Variants in GALNTL6 observed in about 807,000 individuals in gnomAD.
GALNTL6 encodes the protein polypeptide N-acetylgalactosaminyltransferase like 6.
Under a neutral mutation model 73.7 loss-of-function variants are expected in GALNTL6, and 46 were observed. The ratio of observed to expected loss-of-function variants is 0.62; its 90% CI spans 0.49 to 0.80. The LOEUF is 0.80. Ranked by LOEUF, GALNTL6 falls within the 30% of genes least tolerant of loss-of-function variation. The probability of loss-of-function intolerance (pLI) is 0.00; values close to 1 mark genes in which losing one functional copy is unlikely to be tolerated. For synonymous variants in GALNTL6, 259 were observed against 263.7 expected (o/e 0.98, Z 0.17); for missense variants, 604 against 755.0 (o/e 0.80, Z 2.34).
At chr4:172,913,450 A>G (rs1747324366) in intron 8 of GALNTL6, among the ~76,000 whole-genome samples, 1 of 152,188 alleles carries the variant, frequency 6.6e-6, no homozygotes, top group East Asian at 1.9e-4. Flanking sequence ...CTTCGAGCTA[A>G]AGGAGGATGT....
chr4:172,000,589 C>G (rs576944906), intron 2 of GALNTL6, among the ~76,000 whole-genome samples: 1 of 152,238 alleles, frequency 6.6e-6, no homozygotes, highest in East Asian at 1.9e-4. Context: ...CATAAGGGAC[C>G]AGTCTGCAGG....
intron 7 of GALNTL6, among the ~76,000 whole-genome samples, chr4:172,875,665 T>A (rs537090808): frequency 2.2e-4 from 33 of 151,888 alleles, no homozygotes; most frequent in African/African-American, 7.7e-4. Context: ...TATCACTTAT[T>A]GTAGGAATGA....
chr4:173,029,892 A>G (rs1455894380), intron 12 of GALNTL6, among the ~76,000 whole-genome samples: 1 of 152,238 alleles, frequency 6.6e-6, no homozygotes, highest in African/African-American at 2.4e-5. Flanking sequence ...GCATCCATTC[A>G]TGCCTTCATC....
chr4:172,928,965 C>A (rs1748192932), intron 8 of GALNTL6, among the ~76,000 whole-genome samples: 1 of 152,214 alleles, frequency 6.6e-6, no homozygotes. Context: ...TTTTTCCACA[C>A]TTCCTGCTGT....
At chr4:172,234,579 A>G (rs1295112108) in intron 3 of GALNTL6, among the ~76,000 whole-genome samples, 1 of 152,164 alleles carries the variant, frequency 6.6e-6, no homozygotes, top group Non-Finnish European at 1.5e-5. Flanking sequence ...ATTAACATAG[A>G]TAAATGTTCT....
At chr4:172,243,732 G>T (rs145188781) in intron 3 of GALNTL6, among the ~76,000 whole-genome samples, 1 of 152,084 alleles carries the variant, frequency 6.6e-6, no homozygotes, top group Non-Finnish European at 1.5e-5. Flanking sequence ...AATGATTAAC[G>T]GTAGGCTTTC....
At position 171,957,999 on chromosome 4, in the gene GALNTL6, T is replaced by C. The variant is rs577141478; in HGVS notation, c.138+143281T>C. Reference sequence around the variant, plus strand: ...AATGAACCTGCATGTAAAACGTTTATGTTTTATGATCAGAAAAGCACCTTT... The same window carrying C: ...AATGAACCTGCATGTAAAACGTTTACGTTTTATGATCAGAAAAGCACCTTT... On this transcript the variant is annotated intron_variant, in intron 2 of 12. Transcript: ENST00000506823. Among the ~76,000 whole-genome samples the C allele has an allele frequency of 2.4e-3, 373 of 152,342 alleles. 1 individual carries two copies. Among genetic ancestry groups the C allele is most frequent in the Middle Eastern group, 0.01 (3 of 294 alleles).
intron 5 of GALNTL6, among the ~76,000 whole-genome samples, chr4:172,612,029 T>C (rs1738544334): frequency 6.6e-6 from 1 of 152,122 alleles, no homozygotes; most frequent in Non-Finnish European, 1.5e-5. Flanking sequence ...TCTCGTCATC[T>C]ATTTTTTGAA....
At chr4:172,570,904 A>G (rs371769278) in intron 5 of GALNTL6, among the ~76,000 whole-genome samples, 1 of 152,018 alleles carries the variant, frequency 6.6e-6, no homozygotes, top group South Asian at 2.1e-4. Context: ...TCATAAGAAG[A>G]GCGCAATCTA....
At chr4:172,385,885 A>G (rs564151021) in intron 5 of GALNTL6, among the ~76,000 whole-genome samples, 2 of 151,830 alleles carry the variant, frequency 1.3e-5, no homozygotes, top group Non-Finnish European at 2.9e-5. Flanking sequence ...CAAGTGTACT[A>G]TTTATTACAT....
At chr4:171,993,533 A>G (rs1160757345) in intron 2 of GALNTL6, among the ~76,000 whole-genome samples, 2 of 152,140 alleles carry the variant, frequency 1.3e-5, no homozygotes, top group African/African-American at 2.4e-5. Context: ...TAACTTTTTA[A>G]CAATAGATCA....
At chr4:172,464,110 G>A (rs1235863430) in intron 5 of GALNTL6, among the ~76,000 whole-genome samples, 2 of 151,868 alleles carry the variant, frequency 1.3e-5, no homozygotes, top group Non-Finnish European at 2.9e-5. Context: ...TACATTGGCT[G>A]GGTTGGTCTT....
At chr4:171,843,815 C>A (rs766325079) in intron 2 of GALNTL6, among the ~76,000 whole-genome samples, 6 of 152,088 alleles carry the variant, frequency 3.9e-5, no homozygotes, top group Non-Finnish European at 5.9e-5. Context: ...TGGTGGTTAA[C>A]AGAATTTTTC....
At chr4:172,246,988 A>T (rs1737684196) in intron 3 of GALNTL6, among the ~76,000 whole-genome samples, 1 of 152,004 alleles carries the variant, frequency 6.6e-6, no homozygotes, top group South Asian at 2.1e-4. Flanking sequence ...TCAGGTTAAC[A>T]TTTATAACAC....
intron 2 of GALNTL6, among the ~76,000 whole-genome samples, chr4:171,868,384 C>T (rs12499522): frequency 0.76 from 115,098 of 151,954 alleles, 43,680 homozygotes; most frequent in South Asian, 0.84. Context: ...CAATAGATAT[C>T]TCTTTTATTC....
chr4:172,339,768 T>C (rs1741495984), intron 4 of GALNTL6, among the ~76,000 whole-genome samples: 1 of 152,212 alleles, frequency 6.6e-6, no homozygotes, highest in Admixed American at 6.5e-5. Flanking sequence ...GAAAACTCTC[T>C]GCCCCTCTCA....
At chr4:172,004,230 T>G (rs28637112) in intron 2 of GALNTL6, among the ~76,000 whole-genome samples, 10,388 of 152,200 alleles carry the variant, frequency 0.068, 719 homozygotes, top group African/African-American at 0.18. Context: ...CCACAAAAGA[T>G]TTTCAATAAA....
chr4:172,428,790 A>G (rs900132464), intron 5 of GALNTL6, among the ~76,000 whole-genome samples: 3 of 152,204 alleles, frequency 2.0e-5, no homozygotes, highest in Admixed American at 1.3e-4. Context: ...TCTGCCATCA[A>G]TGAACGAAAA....
chr4:172,020,258 G>C (rs775561091), intron 2 of GALNTL6, among the ~76,000 whole-genome samples: 3 of 151,552 alleles, frequency 2.0e-5, no homozygotes, highest in African/African-American at 4.8e-5. Flanking sequence ...TAAAGAACTA[G>C]AAAGGCAAAA....
Sources: allele counts gnomAD v4.1 joint callset (sites outside exome capture counted in the v4.1 genomes callset), GRCh38; gene constraint gnomAD v4.1.1; transcripts MANE v1.5; gene names NCBI Gene and HGNC (gene_info 2026-07-23, HGNC 2026-07-21).